SBNO2: variants seen among roughly 807,000 people sequenced by gnomAD.
SBNO2 encodes the protein protein strawberry notch homolog 2.
A neutral mutation model predicts 146.3 loss-of-function variants in SBNO2; 89 were observed. The observed-to-expected ratio is 0.61, with a 90% CI of 0.51 to 0.73. The LOEUF (loss-of-function observed/expected upper bound fraction) is 0.73. Among genes scored for constraint, SBNO2 ranks in the 30% least tolerant of loss-of-function variants. The probability of loss-of-function intolerance (pLI) is 0.00; values close to 1 mark genes in which losing one functional copy is unlikely to be tolerated. For missense variants in SBNO2, 2,092 were observed against 2,003.7 expected, an observed-to-expected ratio of 1.04 and a Z score of -0.84; for synonymous variants, 1,147 against 892.6, an observed-to-expected ratio of 1.29 and a Z score of -5.08.
At chr19:1,166,190 T>C (rs77174741) in intron 1 of SBNO2, among the ~76,000 whole-genome samples, 11,437 of 32,974 alleles carry the variant, frequency 0.35, 1,538 homozygotes, top group Middle Eastern at 0.5. Context: ...ATCCCAGACT[T>C]CAGATCCCCG....
chr19:1,111,643 G>C, intron 23 of SBNO2, 29 bp from the exon 24 acceptor site: 1 of 1,514,670 alleles, frequency 6.6e-7, no homozygotes, highest in Non-Finnish European at 9.0e-7. Context: ...TCGGGGAGGA[G>C]GCCCAGGGAG....
At chr19:1,145,571 C>CA (rs961305927) in intron 4 of SBNO2, among the ~76,000 whole-genome samples, 5 of 151,954 alleles carry the variant, frequency 3.3e-5, no homozygotes, top group Admixed American at 1.3e-4. Flanking sequence ...GGGGCAAGGA[C>CA]AGGCTGACCC....
intron 5 of SBNO2, among the ~76,000 whole-genome samples, chr19:1,127,063 C>T (rs76933628): frequency 6.8e-4 from 103 of 152,324 alleles, no homozygotes; most frequent in African/African-American, 2.3e-3. Context: ...CCACCAACCT[C>T]GCCCTCTCAG....
In SBNO2 at chr19:1,109,318, C is replaced by G. The variant is rs1396862017; in HGVS notation, c.3322G>C (p.Asp1108His). 1 of 1,596,850 alleles carries G rather than the reference C, an allele frequency of 6.3e-7. No homozygotes were observed. Among genetic ancestry groups the G allele is most frequent in the South Asian group, 1.1e-5 (1 of 88,942 alleles). The part of the protein sequence containing the change: ...IGRQSQLEAL[D>H]SLRRKFHRVT... The stretch of plus-strand genomic sequence containing the variant: ...CGGTGGAACTTGCGGCGGAGGCTGT[C>G]CAGGGCCTCCAGCTGGCTCTGCCGG... Residue 1108 changes from aspartate to histidine, a missense_variant, in exon 29 of 32, where the codon GAC becomes CAC. By Grantham distance (81) the Asp-to-His change is moderately conservative. Coordinates refer to ENST00000361757, the MANE Select transcript of SBNO2 (RefSeq NM_014963.3). This position sits in a 1 kb window ranked among gnomAD's most constrained non-coding sequence, Gnocchi z 4.2.
intron 5 of SBNO2, among the ~76,000 whole-genome samples, chr19:1,124,504 G>C (rs1472477834): frequency 2.0e-5 from 3 of 152,156 alleles, no homozygotes; most frequent in Non-Finnish European, 2.9e-5. Flanking sequence ...AGGCAGTGGG[G>C]GCGGGCGGGC....
chr19:1,119,265 A>T (rs1365174089), intron 13 of SBNO2, 101 bp from the exon 14 acceptor site: 2 of 1,399,958 alleles, frequency 1.4e-6, no homozygotes, highest in East Asian at 5.0e-5. Context: ...CGGGGTCGGC[A>T]GGAGCAGAGC....
At chr19:1,139,084 A>G (rs769319885) in intron 4 of SBNO2, among the ~76,000 whole-genome samples, 9 of 152,222 alleles carry the variant, frequency 5.9e-5, no homozygotes, top group Non-Finnish European at 8.8e-5. Context: ...ATGAACAAAA[A>G]CAGTGGGTCC....
rs184825110 is a variant in SBNO2, at chr19:1,140,135, T to C, written c.279+7174A>G. Among the ~76,000 whole-genome samples, 2 of 150,516 alleles carry C rather than the reference T, an allele frequency of 1.3e-5. No homozygotes were observed. The highest frequency in any genetic ancestry group is 3.0e-5 in the Non-Finnish European group (2 of 67,582). ...TAACACGGTGAAACCCCGTGTCCAC[T>C]AAAAAACACAAAAAATTAGCTGGGC... On this transcript the variant is annotated intron_variant, in intron 4 of 31. Transcript: ENST00000361757. This position sits in a 1 kb window ranked among gnomAD's most constrained non-coding sequence, Gnocchi z 4.4.
chr19:1,145,460 C>G (rs1209209056), intron 4 of SBNO2, among the ~76,000 whole-genome samples: 1 of 122,996 alleles, frequency 8.1e-6, no homozygotes, highest in Non-Finnish European at 1.6e-5. Context: ...GCAACAAGAG[C>G]AAAACTCTGT....
chr19:1,129,279 C>G (rs577775454), intron 4 of SBNO2, among the ~76,000 whole-genome samples: 13 of 152,092 alleles, frequency 8.5e-5, no homozygotes, highest in African/African-American at 2.7e-4. Context: ...GAAAAACAAA[C>G]AAAGAAAAAA....
intron 1 of SBNO2, among the ~76,000 whole-genome samples, chr19:1,160,599 G>A (rs1407881273): frequency 6.6e-6 from 1 of 151,966 alleles, no homozygotes; most frequent in East Asian, 1.9e-4. Flanking sequence ...TGGGGGTCTC[G>A]GCTCACTGCA....
chr19:1,113,415 C>T, intron 19 of SBNO2, 120 bp downstream of exon 19: 1 of 955,668 alleles, frequency 1.0e-6, no homozygotes, highest in Non-Finnish European at 1.5e-6. Context: ...CCCCTCCTCG[C>T]AGGGCCGCGG....
chr19:1,113,161 C>T (rs1454515773), intron 19 of SBNO2, among the ~76,000 whole-genome samples: 3 of 152,086 alleles, frequency 2.0e-5, no homozygotes, highest in Non-Finnish European at 4.4e-5. Context: ...GCCGGCGCCA[C>T]GAAGTGAAAA....
In SBNO2 at chr19:1,136,087, G is replaced by A. The variant is rs2080082447; in HGVS notation, c.280-8322C>T. 1.3e-5 allele frequency among the ~76,000 whole-genome samples: 2 copies of A among 152,162 alleles called. No homozygotes were observed. Among genetic ancestry groups the A allele is most frequent in the African/African-American group, 4.8e-5 (2 of 41,454 alleles). On this transcript the variant is annotated intron_variant, in intron 4 of 31. Transcript: ENST00000361757. The surrounding 1 kb of genome is among the most constrained non-coding windows in gnomAD (Gnocchi z 4.2). ...GGTGTCCTCATTCGAAGGAGACACAGTCCCGGGGAGGAGGCCACGGGACAC... is the reference window on the plus strand; with the variant it reads ...GGTGTCCTCATTCGAAGGAGACACAATCCCGGGGAGGAGGCCACGGGACAC...
intron 1 of SBNO2, among the ~76,000 whole-genome samples, chr19:1,164,888 CAGGAGGAGGAGGAGGAGGAGGCACAGG>C (rs2080395464): frequency 5.7e-4 from 1 of 1,752 alleles, no homozygotes; most frequent in African/African-American, 2.0e-3. Context: ...GGAGGAGGAA[CAGGAGGAGGAGGAGGAGGAGGCACAGG>C]AGGAGGAGGA....
intron 15 of SBNO2, among the ~76,000 whole-genome samples, 191 bp from the exon 16 acceptor site, chr19:1,117,117 G>C (rs1032422815): frequency 6.6e-6 from 1 of 152,162 alleles, no homozygotes; most frequent in Admixed American, 6.5e-5. Context: ...TCTCGGGATG[G>C]TGAGCTGCCC....
intron 11 of SBNO2, among the ~76,000 whole-genome samples, chr19:1,121,898 G>GAAAAGT (rs747220807): frequency 1.3e-5 from 2 of 152,176 alleles, no homozygotes; most frequent in Non-Finnish European, 2.9e-5. Context: ...CCCAGGACCA[G>GAAAAGT]AAAAGTCTTC....
At chr19:1,117,598 C>T (rs1054408925) in intron 14 of SBNO2, 99 bp from the exon 15 acceptor site, 32 of 1,277,874 alleles carry the variant, frequency 2.5e-5, no homozygotes, top group African/African-American at 3.0e-5. Context: ...GGCATCCCCA[C>T]GCCAGGTGGA....
rs2080499597 is a variant in SBNO2, at chr19:1,173,326, A to C, written c.-127+846T>G. 6.6e-6 allele frequency among the ~76,000 whole-genome samples: 1 copy of C among 152,110 alleles called. No homozygotes were observed. The highest frequency in any genetic ancestry group is 2.4e-5 in the African/African-American group (1 of 41,398). On this transcript the variant is annotated intron_variant, in intron 1 of 31. Transcript: ENST00000361757. This position sits in a 1 kb window ranked among gnomAD's most constrained non-coding sequence, Gnocchi z 4.7. Reference sequence around the variant, plus strand: ...TACCCTCCCTCCCGCCTGTCCCTGGAAGCCGGGTTTGAATGCGACCCGCAC... The same window carrying C: ...TACCCTCCCTCCCGCCTGTCCCTGGCAGCCGGGTTTGAATGCGACCCGCAC...
Sources: gnomAD v4.1 joint callset for allele counts (sites outside exome capture counted in the v4.1 genomes callset) on GRCh38, gnomAD v4.1.1 for gene constraint, Gnocchi (gnomAD v3.1) non-coding constraint, MANE v1.5 for transcripts, NCBI Gene and HGNC (gene_info 2026-07-23, HGNC 2026-07-21) for gene names.